The following CFAP61 variants were observed in gnomAD, a reference collection of about 807,000 sequenced individuals.
The protein encoded by CFAP61 is cilia and flagella associated protein 61.
CFAP61 carries 107 observed loss-of-function variants against 135.6 expected under a neutral mutation model. That is an observed-to-expected ratio of 0.79 (90% CI 0.67 to 0.93). The LOEUF is 0.93. Ranked by LOEUF, CFAP61 falls within the 40% of genes least tolerant of loss-of-function variation. The pLI is 0.00. For synonymous variants in CFAP61, 575 were observed against 578.5 expected, an observed-to-expected ratio of 0.99 and a Z score of 0.09; for missense variants, 1,507 against 1,556.2, an observed-to-expected ratio of 0.97 and a Z score of 0.53.
chr20:20,217,742 G>A (rs774282193), intron 17 of CFAP61, among the ~76,000 whole-genome samples: 6 of 152,132 alleles, frequency 3.9e-5, no homozygotes, highest in Non-Finnish European at 5.9e-5. Context: ...AAGGGAGGTC[G>A]TGGTGTGGAC....
intron 25 of CFAP61, among the ~76,000 whole-genome samples, chr20:20,325,703 G>C (rs559689299): frequency 1.3e-5 from 2 of 152,188 alleles, no homozygotes; most frequent in Non-Finnish European, 2.9e-5. Flanking sequence ...ATGGGCATAA[G>C]TTTTCAACTC....
intron 13 of CFAP61, chr20:20,171,755 C>T (rs908203446): frequency 1.4e-6 from 1 of 692,072 alleles, no homozygotes; most frequent in Non-Finnish European, 2.7e-6. Flanking sequence ...ATTTATAATC[C>T]TTTGTGTTTT....
At chr20:20,313,935 G>T (rs927358667) in intron 25 of CFAP61, among the ~76,000 whole-genome samples, 6 of 152,152 alleles carry the variant, frequency 3.9e-5, no homozygotes, top group African/African-American at 1.2e-4. Context: ...CTGAGGGAAT[G>T]AATCCACTCC....
intron 15 of CFAP61, among the ~76,000 whole-genome samples, chr20:20,196,124 T>C (rs143359008): frequency 6.6e-6 from 1 of 152,270 alleles, no homozygotes; most frequent in East Asian, 1.9e-4. Flanking sequence ...GGGTGACACA[T>C]TTCCACACTA....
chr20:20,338,871 C>T (rs898834806), intron 25 of CFAP61, among the ~76,000 whole-genome samples: 4 of 152,178 alleles, frequency 2.6e-5, no homozygotes, highest in Non-Finnish European at 5.9e-5. Flanking sequence ...CGGACTATAT[C>T]GACCAGAAAT....
chr20:20,168,695 G>T (rs1266576782), intron 12 of CFAP61, among the ~76,000 whole-genome samples: 3 of 152,118 alleles, frequency 2.0e-5, no homozygotes, highest in Non-Finnish European at 4.4e-5. Flanking sequence ...ATTGTCTACT[G>T]TACTGACAGG....
At chr20:20,172,114 A>C (rs774923104) in intron 13 of CFAP61, 3 of 767,218 alleles carry the variant, frequency 3.9e-6, no homozygotes, top group Non-Finnish European at 4.9e-6. Flanking sequence ...TTGATTCCTT[A>C]ATTAAAAAGA....
chr20:20,337,493 G>A (rs2058258199), intron 25 of CFAP61, among the ~76,000 whole-genome samples: 1 of 147,842 alleles, frequency 6.8e-6, no homozygotes, highest in African/African-American at 2.6e-5. Context: ...TGGATGGATA[G>A]ATGGGTGGAT....
chr20:20,060,489 C>T (rs541765269), intron 2 of CFAP61, among the ~76,000 whole-genome samples: 15 of 152,164 alleles, frequency 9.9e-5, no homozygotes, highest in African/African-American at 3.6e-4. Context: ...GAGGTATAAA[C>T]CATATGTTAA....
intron 21 of CFAP61, among the ~76,000 whole-genome samples, chr20:20,264,415 T>C (rs993399391): frequency 6.6e-6 from 1 of 152,196 alleles, no homozygotes; most frequent in African/African-American, 2.4e-5. Flanking sequence ...TATAGATAGA[T>C]TATACCGGCA....
At chr20:20,202,671 G>A (rs1216348472) in intron 17 of CFAP61, among the ~76,000 whole-genome samples, 1 of 152,178 alleles carries the variant, frequency 6.6e-6, no homozygotes, top group Non-Finnish European at 1.5e-5. Flanking sequence ...TAGAGCAATA[G>A]CATTGCAGTA....
rs760225580 is a variant in CFAP61, at chr20:20,360,432, T to C, written c.*22T>C. 8.1e-6 allele frequency: 13 copies of C among 1,606,002 alleles called. No individual in the cohort carries two copies. The highest frequency in any genetic ancestry group is 1.3e-5 in the African/African-American group (1 of 74,548). On this transcript the variant is annotated 3_prime_UTR_variant, in exon 27 of 27. Transcript: ENST00000245957. ...TTAGTTGTAGGCAGGGTCTCCCCTT[T>C]ATGGTTTTCATTTATTTAGTTCCTG...
chr20:20,121,323 G>A (rs1408529074), intron 8 of CFAP61, among the ~76,000 whole-genome samples: 1 of 151,522 alleles, frequency 6.6e-6, no homozygotes, highest in African/African-American at 2.4e-5. Flanking sequence ...TGTCCAGGCT[G>A]GTCTTGAGCT....
At position 20,110,814 on chromosome 20, in the gene CFAP61, A is replaced by G. The variant is rs534894744; in HGVS notation, c.859+12000A>G. Among the ~76,000 whole-genome samples the G allele has an allele frequency of 5.3e-5, 8 of 152,310 alleles. No homozygotes were observed. In the East Asian group the frequency reaches 7.7e-4, roughly 15 times the overall value. ...CACTTGATCTATTGTGATGATGACT[A>G]TTTTGAAGTTCATGTCAAGCCATCT... On this transcript the variant is annotated intron_variant, in intron 8 of 26. Coordinates refer to ENST00000245957, the MANE Select transcript of CFAP61 (RefSeq NM_015585.4).
At chr20:20,278,243 G>A (rs2053921294) in intron 22 of CFAP61, among the ~76,000 whole-genome samples, 1 of 152,170 alleles carries the variant, frequency 6.6e-6, no homozygotes, top group South Asian at 2.1e-4. Flanking sequence ...TCCCTGCCCA[G>A]CCCAAGGTCT....
chr20:20,218,743 C>T (rs561977554), intron 17 of CFAP61, among the ~76,000 whole-genome samples: 2 of 152,246 alleles, frequency 1.3e-5, no homozygotes, highest in Non-Finnish European at 2.9e-5. Context: ...GCATTTAGAC[C>T]AATTGTTGGC....
chr20:20,061,695 A>C (rs2044809150), intron 2 of CFAP61, among the ~76,000 whole-genome samples: 1 of 152,216 alleles, frequency 6.6e-6, no homozygotes, highest in Admixed American at 6.5e-5. Context: ...AGAGCACTGG[A>C]GACTCTCCCG....
At chr20:20,356,058 G>A (rs2059131708) in intron 26 of CFAP61, among the ~76,000 whole-genome samples, 1 of 145,774 alleles carries the variant, frequency 6.9e-6, no homozygotes, top group Non-Finnish European at 1.5e-5. Context: ...GTCACACTGA[G>A]GGGAGGTAGT....
intron 19 of CFAP61, 39 bp downstream of exon 19, chr20:20,246,254 T>C (rs2050446617): frequency 2.5e-6 from 3 of 1,194,924 alleles, no homozygotes; most frequent in Non-Finnish European, 3.8e-6. Flanking sequence ...GAGGCCTAAA[T>C]GTCCTACTCT....
Sources: gnomAD v4.1 joint callset for allele counts (sites outside exome capture counted in the v4.1 genomes callset) on GRCh38, gnomAD v4.1.1 for gene constraint, MANE v1.5 for transcripts, NCBI Gene and HGNC (gene_info 2026-07-23, HGNC 2026-07-21) for gene names.